SAMD12: variants seen among roughly 807,000 people sequenced by gnomAD.
The protein encoded by SAMD12 is sterile alpha motif domain containing 12, also known as sterile alpha motif domain-containing protein 12.
In SAMD12, 9 loss-of-function variants were observed where a neutral mutation model predicts 15.0. The ratio of observed to expected loss-of-function variants is 0.60; its 90% CI spans 0.36 to 1.05. The LOEUF (loss-of-function observed/expected upper bound fraction) is 1.05. SAMD12 is among the 50% of genes least tolerant of loss of function. The pLI is 0.01. For missense variants in SAMD12, 230 were observed against 234.2 expected (o/e 0.98, Z 0.12); for synonymous variants, 86 against 90.1 (o/e 0.96, Z 0.25).
intron 4 of SAMD12, among the ~76,000 whole-genome samples, chr8:118,300,386 T>C (rs1043606926): frequency 6.6e-6 from 1 of 152,188 alleles, no homozygotes; most frequent in Admixed American, 6.5e-5. Flanking sequence ...TAAGACATCT[T>C]TAGACACCTT....
chr8:118,291,010 G>A (rs1010147340), intron 4 of SAMD12, among the ~76,000 whole-genome samples: 2 of 152,082 alleles, frequency 1.3e-5, no homozygotes, highest in Non-Finnish European at 2.9e-5. Flanking sequence ...CGCTTCACTG[G>A]CCTAATTATT....
At chr8:118,315,049 T>C (rs761494358) in intron 4 of SAMD12, among the ~76,000 whole-genome samples, 9 of 152,200 alleles carry the variant, frequency 5.9e-5, no homozygotes, top group Non-Finnish European at 1.2e-4. Context: ...TTCCTACTCA[T>C]ACTTAGTTGA....
intron 3 of SAMD12, among the ~76,000 whole-genome samples, chr8:118,417,875 T>C (rs1277673125): frequency 6.6e-6 from 1 of 152,236 alleles, no homozygotes; most frequent in Non-Finnish European, 1.5e-5. Context: ...ATGCCCAATT[T>C]AGAATCTTAG....
At chr8:118,431,665 C>T (rs982237333) in intron 3 of SAMD12, among the ~76,000 whole-genome samples, 2 of 149,206 alleles carry the variant, frequency 1.3e-5, no homozygotes. Flanking sequence ...AAATCTGACT[C>T]CTTTCAAAAT....
At chr8:118,453,486 G>GAGC (rs1263323310) in intron 2 of SAMD12, among the ~76,000 whole-genome samples, 1 of 151,984 alleles carries the variant, frequency 6.6e-6, no homozygotes, top group African/African-American at 2.4e-5. Flanking sequence ...TTCATATTCG[G>GAGC]AGCAAATATT....
chr8:118,260,266 T>A (rs1344309474), intron 4 of SAMD12, among the ~76,000 whole-genome samples: 5 of 152,130 alleles, frequency 3.3e-5, no homozygotes, highest in African/African-American at 1.2e-4. Flanking sequence ...TTTGCCTTTT[T>A]TTGTCCCTTA....
At chr8:118,606,168 C>G (rs952833075) in intron 1 of SAMD12, among the ~76,000 whole-genome samples, 1 of 152,086 alleles carries the variant, frequency 6.6e-6, no homozygotes, top group Non-Finnish European at 1.5e-5. Context: ...GATCTTGGCC[C>G]TAGTCTGGCT....
intron 1 of SAMD12, among the ~76,000 whole-genome samples, chr8:118,614,498 T>C (rs911868314): frequency 6.6e-6 from 1 of 152,110 alleles, no homozygotes; most frequent in African/African-American, 2.4e-5. Flanking sequence ...GTGGAGGCAG[T>C]GAAAAGCCAT....
chr8:118,503,707 C>T lies in SAMD12; in HGVS notation c.193-63746G>A, dbSNP rs2131047125. The stretch of plus-strand genomic sequence containing the variant: ...TTACAACTCTGCCTCCATCTCCCTC[C>T]TTGGGCTCTTCCTCCATCTCGCATT... On this transcript the variant is annotated intron_variant, in intron 2 of 3. Transcript: ENST00000314727. Among the ~76,000 whole-genome samples the T allele has an allele frequency of 5.3e-5, 8 of 152,290 alleles. No individual in the cohort carries two copies. The South Asian group carries it at 1.7e-3, about 32-fold the overall frequency.
chr8:118,515,185 A>ATTTTTTTTTTTTTT (rs55864364), intron 2 of SAMD12, among the ~76,000 whole-genome samples: 80 of 103,284 alleles, frequency 7.7e-4, no homozygotes, highest in Non-Finnish European at 1.1e-3. Context: ...CGCCCAGCTA[A>ATTTTTTTTTTTTTT]TTTTTTTTTT....
intron 4 of SAMD12, among the ~76,000 whole-genome samples, chr8:118,248,748 T>C (rs1419089148): frequency 1.3e-5 from 2 of 152,126 alleles, no homozygotes; most frequent in East Asian, 3.9e-4. Flanking sequence ...AGCATTCTTA[T>C]AAAAGCACTC....
At chr8:118,544,512 T>C (rs1826069969) in intron 2 of SAMD12, among the ~76,000 whole-genome samples, 1 of 152,128 alleles carries the variant, frequency 6.6e-6, no homozygotes, top group East Asian at 1.9e-4. Context: ...GATGTTTAGA[T>C]TTGCGAGGGC....
At chr8:118,233,627 G>A (rs17507768) in intron 4 of SAMD12, among the ~76,000 whole-genome samples, 2 of 152,256 alleles carry the variant, frequency 1.3e-5, no homozygotes, top group South Asian at 2.1e-4. Flanking sequence ...CTGGCTTTTA[G>A]GAGAATCCCA....
At chr8:118,271,894 CT>C (rs1813362934) in intron 4 of SAMD12, among the ~76,000 whole-genome samples, 1 of 152,224 alleles carries the variant, frequency 6.6e-6, no homozygotes, top group African/African-American at 2.4e-5. Context: ...CACTTCCTGG[CT>C]GCTTTCATGG....
intron 4 of SAMD12, among the ~76,000 whole-genome samples, chr8:118,282,881 T>C (rs1384982516): frequency 6.6e-6 from 1 of 152,254 alleles, no homozygotes; most frequent in East Asian, 1.9e-4. Flanking sequence ...TGTATACATA[T>C]GTATTTATTT....
At chr8:118,224,782 T>C (rs1812153243) in intron 4 of SAMD12, among the ~76,000 whole-genome samples, 1 of 152,234 alleles carries the variant, frequency 6.6e-6, no homozygotes. Flanking sequence ...TGTTAACAGA[T>C]GTGACTTTTT....
the SAMD12 span, among the ~76,000 whole-genome samples, chr8:118,167,759 T>C: frequency 6.6e-6 from 1 of 152,226 alleles, no homozygotes; most frequent in African/African-American, 2.4e-5. Flanking sequence ...ATTTAAGATA[T>C]GCTAAGTCCT....
chr8:118,549,898 C>G (rs1432290314), intron 2 of SAMD12, among the ~76,000 whole-genome samples: 1 of 151,666 alleles, frequency 6.6e-6, no homozygotes, highest in African/African-American at 2.4e-5. Context: ...CCTCAGGAGC[C>G]GATGCGATCA....
chr8:118,406,469 T>A (rs1821134902), intron 3 of SAMD12, among the ~76,000 whole-genome samples: 1 of 152,046 alleles, frequency 6.6e-6, no homozygotes, highest in South Asian at 2.1e-4. Flanking sequence ...AGACGGGGTT[T>A]TGCCATGTTG....
Sources: gnomAD v4.1 joint callset for allele counts (sites outside exome capture counted in the v4.1 genomes callset) on GRCh38, gnomAD v4.1.1 for gene constraint, MANE v1.5 for transcripts, NCBI Gene and HGNC (gene_info 2026-07-23, HGNC 2026-07-21) for gene names.